Variants in PTPN3 observed in about 807,000 individuals in gnomAD.
The protein encoded by PTPN3 is tyrosine-protein phosphatase non-receptor type 3.
A neutral mutation model predicts 132.7 loss-of-function variants in PTPN3; 96 were observed. The observed-to-expected ratio is 0.72, with a 90% CI of 0.61 to 0.86. The LOEUF (loss-of-function observed/expected upper bound fraction) is 0.86. Ranked by LOEUF, PTPN3 falls within the 40% of genes least tolerant of loss-of-function variation. The pLI, the probability that PTPN3 is intolerant of heterozygous loss-of-function variation, is 0.00. For synonymous variants in PTPN3, 398 were observed against 429.0 expected, an observed-to-expected ratio of 0.93 and a Z score of 0.89; for missense variants, 1,125 against 1,159.6, an observed-to-expected ratio of 0.97 and a Z score of 0.43.
rs1181246688 is a variant in PTPN3 at position 109,410,401 on chromosome 9, T to C, written c.1328A>G (p.Asn443Ser). ...RSPHQESLSE[N>S]NPAQSYLTQK... ...GGTCAGGTAGCTTTGTGCCGGATTG[T>C]TCTCGGATAAACTCCTTCATCATGG... Residue 443 changes from asparagine to serine, a missense_variant, in exon 15 of 26, where the codon AAC (asparagine) becomes AGC (serine). Transcript: ENST00000374541. 1.9e-6 allele frequency: 3 copies of C among 1,614,134 alleles called. No homozygotes were observed. Among genetic ancestry groups the C allele is most frequent in the South Asian group, 2.2e-5 (2 of 91,058 alleles).
At chr9:109,462,196 A>C (rs546185908) in intron 2 of PTPN3, among the ~76,000 whole-genome samples, 1 of 152,296 alleles carries the variant, frequency 6.6e-6, no homozygotes, top group African/African-American at 2.4e-5. Flanking sequence ...TTGGTTGTCC[A>C]CCTGAGTCTT....
chr9:109,413,928 C>CCG (rs1842277265), intron 14 of PTPN3, among the ~76,000 whole-genome samples: 1 of 152,176 alleles, frequency 6.6e-6, no homozygotes, highest in Non-Finnish European at 1.5e-5. Context: ...CCTCCCCGCC[C>CCG]CGCCGCCTGT....
At chr9:109,451,781 C>A (rs1284185025) in intron 5 of PTPN3, among the ~76,000 whole-genome samples, 1 of 152,152 alleles carries the variant, frequency 6.6e-6, no homozygotes, top group Admixed American at 6.5e-5. Context: ...CCGTAGGAAA[C>A]CTCTCCCTCA....
At chr9:109,396,998 A>C (rs143916379) in intron 19 of PTPN3, among the ~76,000 whole-genome samples, 5 of 152,314 alleles carry the variant, frequency 3.3e-5, no homozygotes, top group Admixed American at 6.5e-5. Flanking sequence ...GCACTCCGTC[A>C]ACTCTATGAA....
At position 109,437,996 on chromosome 9, in the gene PTPN3, G is replaced by C. The variant is rs575037945; in HGVS notation, c.587+118C>G. 1.0e-4 allele frequency: 133 copies of C among 1,270,790 alleles called. 2 individuals carry two copies. In the African/African-American group the frequency reaches 1.1e-3, roughly 10 times the overall value. The allele number at this position is 1,270,790 out of a possible 1,614,324, so 78.7% of individuals were successfully genotyped here. ...CCAGCTCAAAGGTTCAAAAACCCCC[G>C]ACATCTTGAAAGAGGATTCATGCAC... On this transcript the variant is annotated intron_variant, in intron 8 of 25. Coordinates refer to ENST00000374541, the MANE Select transcript of PTPN3 (RefSeq NM_002829.4).
chr9:109,418,399 G>A (rs1842674399), intron 14 of PTPN3, among the ~76,000 whole-genome samples: 1 of 152,230 alleles, frequency 6.6e-6, no homozygotes, highest in South Asian at 2.1e-4. Flanking sequence ...GACAGAGGGT[G>A]CTGGGCTGTG....
chr9:109,434,634 G>T (rs1262458373), intron 9 of PTPN3, among the ~76,000 whole-genome samples: 1 of 152,196 alleles, frequency 6.6e-6, no homozygotes, highest in African/African-American at 2.4e-5. Flanking sequence ...TAAAGAGGGG[G>T]CATGGTTTGA....
rs758250087 is a variant in PTPN3 at position 109,454,463 on chromosome 9, A to G, written c.368+33T>C. Reference sequence around the variant, plus strand: ...TTTTAGTGGTTACTCATTTTTATACACTAAACAGAAAACTTTAAAAAAATG... The same window carrying G: ...TTTTAGTGGTTACTCATTTTTATACGCTAAACAGAAAACTTTAAAAAAATG... On this transcript the variant is annotated intron_variant, in intron 5 of 25. Transcript: ENST00000374541. 6 of 1,562,058 alleles carry G rather than the reference A, an allele frequency of 3.8e-6. No homozygotes were observed. In the South Asian group the frequency reaches 6.7e-5, roughly 17 times the overall value.
intron 14 of PTPN3, among the ~76,000 whole-genome samples, chr9:109,419,277 AT>A (rs1178419163): frequency 6.6e-6 from 1 of 152,212 alleles, no homozygotes; most frequent in African/African-American, 2.4e-5. Flanking sequence ...TCACATACAA[AT>A]GGGAAGGAGA....
At chr9:109,534,253 G>T in the PTPN3 span, 1 of 1,511,938 alleles carries the variant, frequency 6.6e-7, no homozygotes. Context: ...AGTGCCGGGC[G>T]TGGTGTCACC....
chr9:109,376,315 G>C lies in PTPN3; in HGVS notation c.*3241C>G, dbSNP rs1838555847. ...TGCTGCCTCTTTGTTGCCTCTGGAG[G>C]ATGAAGAGGGCTTTTTCGCTTGCCC... On this transcript the variant is annotated 3_prime_UTR_variant, in exon 26 of 26. Transcript: ENST00000374541. 1 of 152,124 alleles carries C rather than the reference G, an allele frequency of 6.6e-6. No homozygotes were observed. The highest frequency in any genetic ancestry group is 1.5e-5 in the Non-Finnish European group (1 of 68,034). 9.4% of individuals were successfully genotyped at this position (152,124 alleles called of 1,614,324 possible). A position where few individuals can be genotyped will look rare whatever the true frequency, so the allele number is the denominator to read the frequency against.
At chr9:109,423,305 G>A (rs768213285) in intron 12 of PTPN3, among the ~76,000 whole-genome samples, 7 of 152,284 alleles carry the variant, frequency 4.6e-5, no homozygotes, top group South Asian at 2.1e-4. Context: ...CTGAAAATGC[G>A]CTTAGAAAGT....
chr9:109,423,482 T>C (rs1843022235), intron 12 of PTPN3, among the ~76,000 whole-genome samples: 1 of 152,176 alleles, frequency 6.6e-6, no homozygotes, highest in South Asian at 2.1e-4. Context: ...GGCGCATGCC[T>C]ATAATTCCAG....
chr9:109,405,419 A>G (rs1841484240), intron 18 of PTPN3, among the ~76,000 whole-genome samples: 2 of 152,230 alleles, frequency 1.3e-5, no homozygotes, highest in African/African-American at 4.8e-5. Context: ...TTGCAGACAC[A>G]ACCTTCATTT....
the PTPN3 span, among the ~76,000 whole-genome samples, chr9:109,523,155 C>T: frequency 5.0e-4 from 74 of 149,096 alleles, no homozygotes; most frequent in Non-Finnish European, 7.7e-4. Context: ...CTCGCTTTGT[C>T]GCCCAGGCTG....
intron 4 of PTPN3, among the ~76,000 whole-genome samples, chr9:109,454,815 G>A (rs112735686): frequency 2.0e-5 from 3 of 152,138 alleles, no homozygotes; most frequent in Admixed American, 6.5e-5. Context: ...CCTAGCACAC[G>A]TTTATCTTAG....
At chr9:109,392,061 C>T (rs1840169190) in intron 19 of PTPN3, among the ~76,000 whole-genome samples, 1 of 152,126 alleles carries the variant, frequency 6.6e-6, no homozygotes, top group Admixed American at 6.5e-5. Flanking sequence ...ATTTCATTTA[C>T]AGAGGTACTT....
In PTPN3 at chr9:109,454,496, C is replaced by G. The variant is rs1845457056; in HGVS notation, c.368G>C (p.Arg123Thr). The G allele has an allele frequency of 1.9e-6, 3 of 1,611,122 alleles. No individual in the cohort carries two copies. Among genetic ancestry groups the G allele is most frequent in the Non-Finnish European group, 2.5e-6 (3 of 1,178,384 alleles). Residue 123 changes from arginine (R) to threonine (T), a missense_variant and splice_region_variant, in exon 5 of 26, where the codon AGG becomes ACG. Transcript: ENST00000374541. ...DPNTLQQEQT[R>T]HLYFLQLKMD... ...GAAAACTTTAAAAAAATGTTGTTAC[C>G]TGGTTTGTTCTTGCTGCAGTGTGTT...
chr9:109,491,774 G>A (rs986559805), intron 1 of PTPN3, among the ~76,000 whole-genome samples: 1 of 152,190 alleles, frequency 6.6e-6, no homozygotes. Flanking sequence ...GTAATCAGTG[G>A]GGAGGGGGAG....
Sources: allele counts gnomAD v4.1 joint callset (sites outside exome capture counted in the v4.1 genomes callset), GRCh38; gene constraint gnomAD v4.1.1; transcripts MANE v1.5; gene names NCBI Gene and HGNC (gene_info 2026-07-23, HGNC 2026-07-21).